Variants in SLIT3 observed in about 807,000 individuals in gnomAD.
The protein encoded by SLIT3 is slit homolog 3 protein.
A neutral mutation model predicts 184.0 loss-of-function variants in SLIT3; 68 were observed. The ratio of observed to expected loss-of-function variants is 0.37; its 90% CI spans 0.30 to 0.45. SLIT3 has a LOEUF of 0.45. Ranked by LOEUF, SLIT3 falls within the 20% of genes least tolerant of loss-of-function variation. SLIT3 has a pLI of 1.00. For synonymous variants in SLIT3, 831 were observed against 828.6 expected (o/e 1.00, Z -0.05); for missense variants, 1,707 against 2,026.0 (o/e 0.84, Z 3.02).
At chr5:169,223,085 AT>A (rs933761844) in intron 3 of SLIT3, among the ~76,000 whole-genome samples, 13 of 151,858 alleles carry the variant, frequency 8.6e-5, no homozygotes, top group African/African-American at 2.4e-4. Context: ...TTCAGTCCGG[AT>A]TTTTTTTTCC....
At chr5:168,942,908 G>A (rs1450048428) in intron 4 of SLIT3, among the ~76,000 whole-genome samples, 2 of 152,174 alleles carry the variant, frequency 1.3e-5, no homozygotes, top group Non-Finnish European at 2.9e-5. Context: ...AGTGTGTGAT[G>A]ATCCATTAAC....
chr5:168,692,748 G>T (rs1306602412), intron 28 of SLIT3, 48 bp from the exon 29 acceptor site: 5 of 1,379,744 alleles, frequency 3.6e-6, no homozygotes, highest in Non-Finnish European at 4.1e-6. Flanking sequence ...GGGTAGGGAT[G>T]CCCTGGCCAG....
chr5:168,687,640 C>T (rs1350773820), intron 29 of SLIT3, among the ~76,000 whole-genome samples: 4 of 152,204 alleles, frequency 2.6e-5, no homozygotes, highest in Non-Finnish European at 2.9e-5. Context: ...CACTCATTAC[C>T]TCTCTGTGTT....
intron 4 of SLIT3, among the ~76,000 whole-genome samples, chr5:169,045,550 A>G (rs996486281): frequency 3.9e-5 from 6 of 152,174 alleles, no homozygotes; most frequent in Non-Finnish European, 7.3e-5. Flanking sequence ...TAGGTATTCA[A>G]TAGATGATTT....
At chr5:168,927,511 T>C (rs1014358791) in intron 4 of SLIT3, among the ~76,000 whole-genome samples, 9 of 152,354 alleles carry the variant, frequency 5.9e-5, no homozygotes, top group Admixed American at 2.0e-4. Context: ...GTAAATCTTA[T>C]GTTATTTGCA....
intron 25 of SLIT3, among the ~76,000 whole-genome samples, chr5:168,709,230 G>A (rs1225734018): frequency 1.3e-5 from 2 of 151,926 alleles, no homozygotes; most frequent in African/African-American, 4.8e-5. Context: ...CAAGTAGCTG[G>A]GATTACAAGC....
chr5:169,058,274 C>G (rs1056429216), intron 4 of SLIT3, among the ~76,000 whole-genome samples: 6 of 152,230 alleles, frequency 3.9e-5, no homozygotes, highest in Non-Finnish European at 8.8e-5. Context: ...TTTCTCCCCA[C>G]TAGTATTCCA....
At chr5:168,875,080 AGGGGGAGGAAAGAAGGGAGGAAGC>A (rs1169894937) in intron 5 of SLIT3, among the ~76,000 whole-genome samples, 8 of 149,592 alleles carry the variant, frequency 5.3e-5, no homozygotes, top group African/African-American at 1.7e-4. Flanking sequence ...AGGGAGGAAG[AGGGGGAGGAAAGAAGGGAGGAAGC>A]GGGGGAGAAA....
chr5:168,964,278 T>G (rs904184245), intron 4 of SLIT3, among the ~76,000 whole-genome samples: 3 of 152,244 alleles, frequency 2.0e-5, no homozygotes, highest in Admixed American at 6.5e-5. Context: ...GATGGAATAC[T>G]TTGAAAATTA....
At chr5:169,085,965 C>A (rs977533752) in intron 4 of SLIT3, among the ~76,000 whole-genome samples, 1 of 152,180 alleles carries the variant, frequency 6.6e-6, no homozygotes, top group South Asian at 2.1e-4. Flanking sequence ...CAAGAGTCAG[C>A]AGCACCCTTT....
chr5:169,196,167 A>T (rs559978917), intron 3 of SLIT3, among the ~76,000 whole-genome samples: 1 of 152,188 alleles, frequency 6.6e-6, no homozygotes, highest in South Asian at 2.1e-4. Context: ...AGTAGAAAAA[A>T]AAAAAGAGGG....
chr5:169,057,586 G>A (rs376127568), intron 4 of SLIT3, among the ~76,000 whole-genome samples: 4 of 152,198 alleles, frequency 2.6e-5, no homozygotes, highest in Non-Finnish European at 5.9e-5. Context: ...GCAGGCGTGC[G>A]AGGACCTCTC....
chr5:169,150,707 C>T (rs1762084971), intron 4 of SLIT3, among the ~76,000 whole-genome samples: 1 of 152,136 alleles, frequency 6.6e-6, no homozygotes. Context: ...TGTTTTAATA[C>T]TAATGCATTG....
intron 7 of SLIT3, among the ~76,000 whole-genome samples, chr5:168,819,418 C>CGTG (rs1356281429): frequency 2.0e-5 from 3 of 152,220 alleles, no homozygotes; most frequent in African/African-American, 7.2e-5. Context: ...GGCAGCCTGC[C>CGTG]GTGGCATGCG....
At chr5:168,998,502 G>A (rs1025245743) in intron 4 of SLIT3, among the ~76,000 whole-genome samples, 2 of 151,996 alleles carry the variant, frequency 1.3e-5, no homozygotes, top group African/African-American at 4.8e-5. Context: ...TCAGGAGTTC[G>A]AGACCAGCCT....
intron 5 of SLIT3, among the ~76,000 whole-genome samples, chr5:168,861,427 A>G (rs56104562): frequency 0.036 from 1,665 of 46,824 alleles, 41 homozygotes; most frequent in African/African-American, 0.12. Context: ...AGCCCGCCCA[A>G]TTTGCCCCAT....
chr5:169,163,170 A>G (rs958327754), intron 4 of SLIT3, among the ~76,000 whole-genome samples: 8 of 152,018 alleles, frequency 5.3e-5, no homozygotes, highest in Admixed American at 5.2e-4. Flanking sequence ...AAAATACAAA[A>G]ATTAGCTGGG....
At chr5:169,215,553 C>T (rs1254721924) in intron 3 of SLIT3, among the ~76,000 whole-genome samples, 1 of 152,146 alleles carries the variant, frequency 6.6e-6, no homozygotes, top group Non-Finnish European at 1.5e-5. Flanking sequence ...AGTGCAAAAG[C>T]AACCATAAAC....
intron 16 of SLIT3, among the ~76,000 whole-genome samples, chr5:168,754,539 G>T (rs115588391): frequency 0.014 from 2,109 of 152,270 alleles, 50 homozygotes; most frequent in African/African-American, 0.048. Context: ...AAAGGAATAA[G>T]TTCTAGTGTT....
Sources: gnomAD v4.1 joint callset for allele counts (sites outside exome capture counted in the v4.1 genomes callset) on GRCh38, gnomAD v4.1.1 for gene constraint, MANE v1.5 for transcripts, NCBI Gene and HGNC (gene_info 2026-07-23, HGNC 2026-07-21) for gene names.